The following MYO1D variants were observed in gnomAD, a reference collection of about 807,000 sequenced individuals.
The protein encoded by MYO1D is myosin ID.
MYO1D carries 83 observed loss-of-function variants against 122.0 expected under a neutral mutation model. The observed-to-expected ratio is 0.68, with a 90% CI of 0.57 to 0.82. The LOEUF is 0.82. Ranked by LOEUF, MYO1D falls within the 40% of genes least tolerant of loss-of-function variation. The pLI is 0.00. For missense variants in MYO1D, 1,157 were observed against 1,269.5 expected, an observed-to-expected ratio of 0.91 and a Z score of 1.35; for synonymous variants, 464 against 446.9, an observed-to-expected ratio of 1.04 and a Z score of -0.48.
chr17:32,732,902 T>C (rs1343763754), intron 14 of MYO1D, among the ~76,000 whole-genome samples: 1 of 152,172 alleles, frequency 6.6e-6, no homozygotes, highest in Non-Finnish European at 1.5e-5. Flanking sequence ...CAGTTCCTGG[T>C]ATTTCCAAGC....
chr17:32,668,202 T>G (rs17780628), intron 16 of MYO1D, among the ~76,000 whole-genome samples: 1 of 152,150 alleles, frequency 6.6e-6, no homozygotes, highest in Non-Finnish European at 1.5e-5. Context: ...GATGTAGAAC[T>G]ACAGAGTTTT....
intron 1 of MYO1D, among the ~76,000 whole-genome samples, chr17:32,814,093 C>G (rs950707428): frequency 6.6e-6 from 1 of 152,180 alleles, no homozygotes; most frequent in African/African-American, 2.4e-5. Context: ...TGTCTGTAAT[C>G]CCAGCACTCT....
chr17:32,739,849 G>C (rs983395142), intron 13 of MYO1D, among the ~76,000 whole-genome samples: 1 of 152,096 alleles, frequency 6.6e-6, no homozygotes, highest in African/African-American at 2.4e-5. Flanking sequence ...AGCGCAGAGC[G>C]AAGAAGACAA....
At chr17:32,527,362 A>G (rs558423839) in intron 21 of MYO1D, among the ~76,000 whole-genome samples, 1 of 152,326 alleles carries the variant, frequency 6.6e-6, no homozygotes, top group African/African-American at 2.4e-5. Context: ...CTGTCCAAGG[A>G]GTGTCCAGCC....
chr17:32,619,317 G>A (rs991161371), intron 20 of MYO1D, among the ~76,000 whole-genome samples: 1 of 152,198 alleles, frequency 6.6e-6, no homozygotes, highest in Non-Finnish European at 1.5e-5. Context: ...GCTTGGGAAT[G>A]AGATAATCAA....
At position 32,712,031 on chromosome 17, in the gene MYO1D, A is replaced by T; in HGVS notation, c.2078T>A (p.Leu693His). 1.2e-6 allele frequency: 2 copies of T among 1,614,188 alleles called. No homozygotes were observed. Among genetic ancestry groups the T allele is most frequent in the Non-Finnish European group, 1.7e-6 (2 of 1,180,018 alleles). The change falls in exon 16 of 22, where the codon CTC (leucine) becomes CAC (histidine). Residue 693 changes from leucine to histidine, a missense_variant. By Grantham distance (99) the Leu-to-His change is moderately conservative. Transcript: ENST00000318217. ...TPRTLFTLEE[L>H]RAQMLIRIVL... is the part of the protein sequence containing the mutation. ...AATCCTTATGAGCATCTGGGCACGG[A>T]GTTCTTCCAAGGTAAACAATGTTCG...
chr17:32,574,436 T>C (rs2087259626), intron 21 of MYO1D, among the ~76,000 whole-genome samples: 1 of 152,192 alleles, frequency 6.6e-6, no homozygotes, highest in Admixed American at 6.6e-5. Context: ...TTCTTTCAAA[T>C]GTAAATAGCG....
intron 11 of MYO1D, among the ~76,000 whole-genome samples, chr17:32,753,495 C>A (rs531052140): frequency 4.1e-4 from 63 of 152,178 alleles, no homozygotes; most frequent in Non-Finnish European, 7.8e-4. Context: ...GAAACCTGGG[C>A]TCCCATAAAT....
In MYO1D at chr17:32,589,257, C is replaced by T. The variant is rs1597914659; in HGVS notation, c.2864+15830G>A. On this transcript the variant is annotated intron_variant, in intron 21 of 21. Coordinates refer to ENST00000318217, the MANE Select transcript of MYO1D (RefSeq NM_015194.3). Reference sequence around the variant, plus strand: ...GCTTCACCTTGAGTCCTGCTGCTCCCCGTGGGTTCCCTATGCTCTACGCTG... The same window carrying T: ...GCTTCACCTTGAGTCCTGCTGCTCCTCGTGGGTTCCCTATGCTCTACGCTG... Among the ~76,000 whole-genome samples, 3 of 152,348 alleles carry T rather than the reference C, an allele frequency of 2.0e-5. No individual in the cohort carries two copies. The Middle Eastern group carries it at 0.01, about 518-fold the overall frequency.
chr17:32,517,485 T>A (rs1334105688), intron 21 of MYO1D, among the ~76,000 whole-genome samples: 1 of 152,188 alleles, frequency 6.6e-6, no homozygotes, highest in African/African-American at 2.4e-5. Flanking sequence ...ATTCTCAACC[T>A]TGATTGCACG....
intron 13 of MYO1D, among the ~76,000 whole-genome samples, chr17:32,739,296 T>C (rs1363209753): frequency 6.6e-6 from 1 of 151,992 alleles, no homozygotes; most frequent in African/African-American, 2.4e-5. Flanking sequence ...ATATACACCA[T>C]GGAATACTAT....
At chr17:32,526,079 G>A (rs570880653) in intron 21 of MYO1D, among the ~76,000 whole-genome samples, 8 of 152,214 alleles carry the variant, frequency 5.3e-5, no homozygotes, top group African/African-American at 1.9e-4. Flanking sequence ...GAGCCTTTCC[G>A]ATCTTCCAAG....
At chr17:32,773,473 C>G (rs1015482294) in intron 4 of MYO1D, among the ~76,000 whole-genome samples, 8 of 152,064 alleles carry the variant, frequency 5.3e-5, no homozygotes, top group Non-Finnish European at 1.0e-4. Context: ...TGATCCTTCA[C>G]CTTGGTGGCA....
chr17:32,504,777 G>A (rs2150855288), intron 21 of MYO1D: 1 of 152,386 alleles, frequency 6.6e-6, no homozygotes. Context: ...GGAATGCTCT[G>A]CAGACAGCTG....
At chr17:32,850,312 G>C (rs900273968) in intron 1 of MYO1D, among the ~76,000 whole-genome samples, 3 of 152,150 alleles carry the variant, frequency 2.0e-5, no homozygotes, top group African/African-American at 7.2e-5. Flanking sequence ...CAAACTATGT[G>C]AAGTTTTAAA....
At chr17:32,747,664 C>T (rs1371525709) in intron 12 of MYO1D, among the ~76,000 whole-genome samples, 2 of 152,062 alleles carry the variant, frequency 1.3e-5, no homozygotes, top group East Asian at 3.9e-4. Flanking sequence ...TGGTGAAACC[C>T]CGTCTCCACT....
chr17:32,842,886 C>CTTTTTTTTTTTTTTTTTTTTTTTTTTTT (rs34927176), intron 1 of MYO1D, among the ~76,000 whole-genome samples: 1 of 104,458 alleles, frequency 9.6e-6, no homozygotes, highest in Non-Finnish European at 1.9e-5. Flanking sequence ...CTATTTCTTT[C>CTTTTTTTTTTTTTTTTTTTTTTTTTTTT]TTTTTTTTTT....
chr17:32,615,800 C>T (rs796505561), intron 20 of MYO1D, among the ~76,000 whole-genome samples: 67 of 152,188 alleles, frequency 4.4e-4, no homozygotes, highest in African/African-American at 1.6e-3. Context: ...AACAGGGCTC[C>T]TGAATCTTAA....
rs539933871 is a variant in MYO1D at position 32,581,536 on chromosome 17, CCTCT to C, written c.2864+23547_2864+23550del. 9.2e-3 allele frequency among the ~76,000 whole-genome samples: 1,355 copies of C among 147,780 alleles called. 10 individuals carry two copies. The highest frequency in any genetic ancestry group is 0.027 in the South Asian group (121 of 4,552). On this transcript the variant is annotated intron_variant, in intron 21 of 21. Transcript: ENST00000318217. ...TTTTCCTTTTCTCTCTCTCTTCCTT[CCTCT>C]CTCTCTCTCTCTTTCCCTCTCCATG... is the stretch of plus-strand genomic sequence containing the variant.
Sources: gnomAD v4.1 joint callset for allele counts (sites outside exome capture counted in the v4.1 genomes callset) on GRCh38, gnomAD v4.1.1 for gene constraint, MANE v1.5 for transcripts, NCBI Gene and HGNC (gene_info 2026-07-23, HGNC 2026-07-21) for gene names.